Variants in PPP2R5B observed in about 807,000 individuals in gnomAD.
PPP2R5B encodes protein phosphatase 2 regulatory subunit B'beta.
Under a neutral mutation model 59.9 loss-of-function variants are expected in PPP2R5B, and 19 were observed. The observed-to-expected ratio is 0.32, with a 90% CI of 0.22 to 0.47. PPP2R5B has a LOEUF of 0.47. PPP2R5B is among the 20% of genes least tolerant of loss of function. The pLI, the probability that PPP2R5B is intolerant of heterozygous loss-of-function variation, is 1.00. For missense variants in PPP2R5B, 441 were observed against 640.2 expected (o/e 0.69, Z 3.36); for synonymous variants, 286 against 260.5 (o/e 1.10, Z -0.94).
At chr11:64,928,041 C>G (rs1945187471) in intron 4 of PPP2R5B, 25 bp from the exon 5 acceptor site, 1 of 1,611,060 alleles carries the variant, frequency 6.2e-7, no homozygotes, top group African/African-American at 1.3e-5. Flanking sequence ...CTGAACTCAC[C>G]TTTTTGTCTG....
upstream of PPP2R5B, among the ~76,000 whole-genome samples, chr11:64,920,634 T>TTTA (rs1554967904): frequency 7.4e-4 from 1 of 1,354 alleles, no homozygotes; most frequent in Non-Finnish European, 0.013. Context: ...CCAGCAGTTA[T>TTTA]TTTTTTTTTT....
chr11:64,930,206 G>C, intron 6 of PPP2R5B, 116 bp from the exon 7 acceptor site: 8 of 1,172,424 alleles, frequency 6.8e-6, no homozygotes, highest in Non-Finnish European at 1.0e-5. Context: ...CAGCCTCTGG[G>C]TTGGGGGAGA....
Position 64,931,843 on chromosome 11 carries a change from G to T in PPP2R5B, c.1091G>T (p.Arg364Leu), listed in dbSNP as rs141499148. 11 of 1,614,124 alleles carry T rather than the reference G, an allele frequency of 6.8e-6. No homozygotes were observed. In the South Asian group the frequency reaches 1.2e-4, roughly 18 times the overall value. ...IQEPLFKQVARCVSSPHFQVA... is the reference protein window; with the variant it reads ...IQEPLFKQVALCVSSPHFQVA... The stretch of plus-strand genomic sequence containing the variant: ...GAGCCCCTTTTTAAGCAGGTGGCTC[G>T]CTGTGTTTCCAGCCCCCATTTCCAG... Residue 364 changes from arginine (R) to leucine (L), a missense_variant, in exon 11 of 14, where the codon CGC becomes CTC. Arg to Leu is a moderately radical substitution (Grantham distance 102). This residue lies in a region of PPP2R5B where 268 missense variants were observed against 488.1 expected (regional missense o/e 0.55). Coordinates refer to ENST00000164133, the MANE Select transcript of PPP2R5B (RefSeq NM_006244.4). The surrounding 1 kb of genome is among the most constrained non-coding windows in gnomAD (Gnocchi z 5.0).
chr11:64,933,814 C>A lies in PPP2R5B; in HGVS notation c.1464C>A (p.Pro488=), dbSNP rs1158942715. 4 of 1,549,444 alleles carry A rather than the reference C, an allele frequency of 2.6e-6. No homozygotes were observed. The highest frequency in any genetic ancestry group is 3.5e-6 in the Non-Finnish European group (4 of 1,147,052). Residue 488 remains proline, a synonymous_variant, in exon 14 of 14, where the codon CCC becomes CCA. Transcript: ENST00000164133. ...AKEAPLQRLT[P]QVAASGGQS is the part of the protein sequence containing the mutation. ...AGGCCCCCCTCCAGCGGCTTACACC[C>A]CAGGTGGCCGCCAGTGGGGGTCAGA...
chr11:64,931,731 C>T lies in PPP2R5B; in HGVS notation c.997-18C>T. On this transcript the variant is annotated intron_variant, in intron 10 of 13. Coordinates refer to ENST00000164133, the MANE Select transcript of PPP2R5B (RefSeq NM_006244.4). This position sits in a 1 kb window ranked among gnomAD's most constrained non-coding sequence, Gnocchi z 5.0. Reference sequence around the variant, plus strand: ...GCTGCTGCCCCTCTGTCCCTACTCCCCTCCCCAACCCACCCAGGTGATGTT... The same window carrying T: ...GCTGCTGCCCCTCTGTCCCTACTCCTCTCCCCAACCCACCCAGGTGATGTT... 6.2e-7 allele frequency: 1 copy of T among 1,614,048 alleles called. No individual in the cohort carries two copies.
At chr11:64,927,017 G>A in intron 3 of PPP2R5B, 109 bp downstream of exon 3, 1 of 1,352,568 alleles carries the variant, frequency 7.4e-7, no homozygotes, top group Non-Finnish European at 1.0e-6. Flanking sequence ...CATCGGCTTG[G>A]CCTCAGTCCA....
chr11:64,925,622 C>CCA lies in PPP2R5B; in HGVS notation c.-112_-111insAC, dbSNP rs531227590. ...CCCAGGACTGTGGTTGTGCCCCCCC[C>CCA]CCAAAGGCCGGACAGGATGGGACCA... On this transcript the variant is annotated 5_prime_UTR_variant, in exon 2 of 14. Coordinates refer to ENST00000164133, the MANE Select transcript of PPP2R5B (RefSeq NM_006244.4). The surrounding 1 kb of genome is among the most constrained non-coding windows in gnomAD (Gnocchi z 4.6). The CCA allele has an allele frequency of 2.2e-5, 12 of 550,406 alleles. No homozygotes were observed. Among genetic ancestry groups the CCA allele is most frequent in the East Asian group, 3.6e-5 (1 of 27,928 alleles). 34.1% of individuals were successfully genotyped at this position (550,406 alleles called of 1,614,324 possible). A position where few individuals can be genotyped will look rare whatever the true frequency, so the allele number is the denominator to read the frequency against.
rs377150574 is a variant in PPP2R5B, at chr11:64,927,148, T to C, written c.396+240T>C. ...CTGGAGTGCCCTGCCCCACACCCCA[T>C]ACCATCCATGGCCTGGCTCAGGTGC... On this transcript the variant is annotated intron_variant, in intron 3 of 13. Transcript: ENST00000164133. 2.0e-4 allele frequency among the ~76,000 whole-genome samples: 31 copies of C among 152,252 alleles called. No individual in the cohort carries two copies. In the East Asian group the frequency reaches 3.5e-3, roughly 17 times the overall value.
chr11:64,929,632 A>T (rs1334222419), intron 6 of PPP2R5B, among the ~76,000 whole-genome samples: 1 of 152,228 alleles, frequency 6.6e-6, no homozygotes, highest in African/African-American at 2.4e-5. Flanking sequence ...AGGCTGAGGC[A>T]GGAGAATCGC....
At chr11:64,923,594 C>T (rs1252750617), upstream of PPP2R5B, among the ~76,000 whole-genome samples, 4 of 152,140 alleles carry the variant, frequency 2.6e-5, no homozygotes, top group Admixed American at 6.5e-5. Context: ...ACACCTCTTG[C>T]GCACCCAGGC....
chr11:64,930,467 T>C lies in PPP2R5B; in HGVS notation c.783-14T>C, dbSNP rs1399231224. ...TCACCTGAGCCCTCTTCCTCTCTTCTGCCTCCTCCTCAGCATCATCAATGG... is the reference window on the plus strand; with the variant it reads ...TCACCTGAGCCCTCTTCCTCTCTTCCGCCTCCTCCTCAGCATCATCAATGG... On this transcript the variant is annotated splice_polypyrimidine_tract_variant and intron_variant, in intron 7 of 13. Coordinates refer to ENST00000164133, the MANE Select transcript of PPP2R5B (RefSeq NM_006244.4). The C allele has an allele frequency of 1.2e-6, 2 of 1,614,086 alleles. No homozygotes were observed. The highest frequency in any genetic ancestry group is 2.2e-5 in the South Asian group (2 of 91,088).
rs776337900 is a variant in PPP2R5B, at chr11:64,933,225, C to T, written c.1325C>T (p.Ser442Phe). 3.7e-6 allele frequency: 6 copies of T among 1,611,488 alleles called. No homozygotes were observed. The South Asian group carries it at 6.6e-5, about 18-fold the overall frequency. ...AAGCTGTTTGATGAGCTCACAGCCT[C>T]CTACAAGCTGGAAAAGCAGCAGTGA... ...NGKLFDELTA[S>F]YKLEKQQEQQ... Residue 442 changes from serine (S) to phenylalanine (F), a missense_variant, in exon 13 of 14, where the codon TCC (serine) becomes TTC (phenylalanine). Physicochemically the swap from Ser to Phe is radical, Grantham distance 155. This residue lies in a region of PPP2R5B where 268 missense variants were observed against 488.1 expected (regional missense o/e 0.55). Coordinates refer to ENST00000164133, the MANE Select transcript of PPP2R5B (RefSeq NM_006244.4).
intron 6 of PPP2R5B, among the ~76,000 whole-genome samples, chr11:64,929,641 G>A (rs546701846): frequency 3.9e-5 from 6 of 152,310 alleles, no homozygotes; most frequent in East Asian, 3.9e-4. Context: ...CAGGAGAATC[G>A]CTTGAGCCTG....
At chr11:64,922,650 G>A (rs892139812), upstream of PPP2R5B, among the ~76,000 whole-genome samples, 3 of 152,002 alleles carry the variant, frequency 2.0e-5, no homozygotes, top group Admixed American at 6.6e-5. Context: ...CGAGGTGGGC[G>A]GATCACGAGG....
In PPP2R5B at chr11:64,933,169, T is replaced by C; in HGVS notation, c.1269T>C (p.Asn423=). The stretch of plus-strand genomic sequence containing the variant: ...GAACCATCGTATCACTGATCTACAA[T>C]GTGCTCAAGACCTTCATGGAGATGA... The part of the protein sequence containing the change: ...WNQTIVSLIY[N]VLKTFMEMNG... Residue 423 remains asparagine (N), a synonymous_variant, in exon 13 of 14, where the codon AAT becomes AAC. Coordinates refer to ENST00000164133, the MANE Select transcript of PPP2R5B (RefSeq NM_006244.4). 6.2e-7 allele frequency: 1 copy of C among 1,612,904 alleles called. No homozygotes were observed. The highest frequency in any genetic ancestry group is 1.3e-5 in the African/African-American group (1 of 74,990).
chr11:64,933,890 C>G lies in PPP2R5B; in HGVS notation c.*46C>G. The G allele has an allele frequency of 6.8e-7, 1 of 1,462,502 alleles. No individual in the cohort carries two copies. Among genetic ancestry groups the G allele is most frequent in the Non-Finnish European group, 9.1e-7 (1 of 1,103,566 alleles). 90.6% of individuals were successfully genotyped at this position (1,462,502 alleles called of 1,614,324 possible). On this transcript the variant is annotated 3_prime_UTR_variant, in exon 14 of 14. Coordinates refer to ENST00000164133, the MANE Select transcript of PPP2R5B (RefSeq NM_006244.4). Reference sequence around the variant, plus strand: ...AAGCTAAACCCAGAGCTGTCAGTCCCTCTATCCCTTCTCCTGTCCAGGGGC... The same window carrying G: ...AAGCTAAACCCAGAGCTGTCAGTCCGTCTATCCCTTCTCCTGTCCAGGGGC...
At chr11:64,930,262 C>G (rs370879915) in intron 6 of PPP2R5B, 60 bp from the exon 7 acceptor site, 2 of 1,581,968 alleles carry the variant, frequency 1.3e-6, no homozygotes, top group Non-Finnish European at 1.7e-6. Context: ...GGCAGGATGC[C>G]TAAGGGGGCA....
intron 6 of PPP2R5B, among the ~76,000 whole-genome samples, chr11:64,928,710 C>T (rs1000697180): frequency 6.6e-6 from 1 of 152,210 alleles, no homozygotes; most frequent in Non-Finnish European, 1.5e-5. Flanking sequence ...AGGTGAAACC[C>T]CGTCTCTACT....
chr11:64,917,942 A>C (rs1049741881), intron 1 of PPP2R5B, among the ~76,000 whole-genome samples: 1 of 152,148 alleles, frequency 6.6e-6, no homozygotes. Context: ...ATAGCTTTTC[A>C]TATCTCTAGT....
Sources: allele counts gnomAD v4.1 joint callset (sites outside exome capture counted in the v4.1 genomes callset), GRCh38; gene constraint gnomAD v4.1.1; regional missense constraint gnomAD v4.1.1; non-coding constraint Gnocchi (gnomAD v3.1); transcripts MANE v1.5; gene names NCBI Gene and HGNC (gene_info 2026-07-23, HGNC 2026-07-21).